The following FAM184B variants were observed in gnomAD, a reference collection of about 807,000 sequenced individuals.
The protein encoded by FAM184B is protein FAM184B.
A neutral mutation model predicts 135.9 loss-of-function variants in FAM184B; 111 were observed. The observed-to-expected ratio is 0.82, with a 90% CI of 0.70 to 0.96. FAM184B has a LOEUF of 0.96. Ranked by LOEUF, FAM184B falls within the 40% of genes least tolerant of loss-of-function variation. FAM184B has a pLI of 0.00. For synonymous variants in FAM184B, 552 were observed against 524.8 expected (o/e 1.05, Z -0.71); for missense variants, 1,375 against 1,323.9 (o/e 1.04, Z -0.60).
At chr4:17,724,195 C>T (rs1348222680) in intron 1 of FAM184B, among the ~76,000 whole-genome samples, 1 of 152,070 alleles carries the variant, frequency 6.6e-6, no homozygotes, top group Non-Finnish European at 1.5e-5. Context: ...GTCAAGAATA[C>T]ACCAAAACAT....
chr4:17,638,849 C>T (rs913702296), intron 14 of FAM184B, among the ~76,000 whole-genome samples: 1 of 152,094 alleles, frequency 6.6e-6, no homozygotes, highest in African/African-American at 2.4e-5. Flanking sequence ...CACCACACCC[C>T]GCCTCCTGCC....
At chr4:17,734,432 T>C (rs1266896097) in intron 1 of FAM184B, among the ~76,000 whole-genome samples, 1 of 152,060 alleles carries the variant, frequency 6.6e-6, no homozygotes, top group Non-Finnish European at 1.5e-5. Flanking sequence ...AACCTACTCA[T>C]CTGACAAAGG....
In FAM184B at chr4:17,653,082, ACTCGCACTCT is replaced by A. The variant is rs1379815414; in HGVS notation, c.2038-109_2038-100del. The A allele has an allele frequency of 6.1e-6, 7 of 1,144,676 alleles. No individual in the cohort carries two copies. The Admixed American group carries it at 1.2e-4, about 20-fold the overall frequency. 70.9% of individuals were successfully genotyped at this position (1,144,676 alleles called of 1,614,324 possible). On this transcript the variant is annotated intron_variant, in intron 10 of 17. Coordinates refer to ENST00000265018, the MANE Select transcript of FAM184B (RefSeq NM_015688.2). ...TCTTCTGAGCCAGGATGCTCTGAAC[ACTCGCACTCT>A]CCCATGGAGGGCTTATCAGGCTACA...
At chr4:17,728,336 A>C (rs184570401) in intron 1 of FAM184B, among the ~76,000 whole-genome samples, 1 of 152,216 alleles carries the variant, frequency 6.6e-6, no homozygotes, top group East Asian at 1.9e-4. Flanking sequence ...GCAGTGAGCT[A>C]TGATCATGCC....
At position 17,667,688 on chromosome 4, in the gene FAM184B, T is replaced by G. The variant is rs533405987; in HGVS notation, c.1597-3029A>C. Among the ~76,000 whole-genome samples, 7 of 152,354 alleles carry G rather than the reference T, an allele frequency of 4.6e-5. No individual in the cohort carries two copies. The South Asian group carries it at 1.4e-3, about 32-fold the overall frequency. ...TGAGTTAACTCTGCTAAGCCAGAAC[T>G]ACACTTCCCAGGACTTTCTTCCCTA... On this transcript the variant is annotated intron_variant, in intron 7 of 17. Transcript: ENST00000265018.
intron 1 of FAM184B, among the ~76,000 whole-genome samples, chr4:17,752,452 T>C (rs1489658574): frequency 3.3e-5 from 5 of 152,052 alleles, no homozygotes. Context: ...AGAGGAACAA[T>C]GAGTAACTAT....
intron 1 of FAM184B, among the ~76,000 whole-genome samples, chr4:17,718,062 G>C (rs1264503414): frequency 6.6e-6 from 1 of 152,144 alleles, no homozygotes; most frequent in Non-Finnish European, 1.5e-5. Flanking sequence ...CCTTTTTCTA[G>C]ATGTGTGAAC....
chr4:17,754,004 A>G (rs913885500), intron 1 of FAM184B, among the ~76,000 whole-genome samples: 6 of 152,222 alleles, frequency 3.9e-5, no homozygotes, highest in African/African-American at 1.4e-4. Flanking sequence ...ATTTACAGTA[A>G]GTATGGCTCC....
Position 17,739,555 on chromosome 4 carries a change from G to GTTTTTGTTTTTTTTT in FAM184B, c.142-29912_142-29911insAAAAAAAAACAAAAA, listed in dbSNP as rs1553841421. 2.1e-4 allele frequency among the ~76,000 whole-genome samples: 13 copies of GTTTTTGTTTTTTTTT among 62,510 alleles called. 1 individual carries two copies. The highest frequency in any genetic ancestry group is 7.8e-4 in the South Asian group (1 of 1,280). 41.0% of individuals were successfully genotyped at this position (62,510 alleles called of 152,430 possible). A position where few individuals can be genotyped will look rare whatever the true frequency, so the allele number is the denominator to read the frequency against. On this transcript the variant is annotated intron_variant, in intron 1 of 17. Coordinates refer to ENST00000265018, the MANE Select transcript of FAM184B (RefSeq NM_015688.2). ...CCCTACACCATATGTCATACCAACT[G>GTTTTTGTTTTTTTTT]TTTTTTTTTTTTTTTTGAGATGGGG...
At chr4:17,734,203 T>C (rs1447496048) in intron 1 of FAM184B, among the ~76,000 whole-genome samples, 1 of 152,154 alleles carries the variant, frequency 6.6e-6, no homozygotes, top group East Asian at 1.9e-4. Flanking sequence ...AAGACTTACA[T>C]GTTAGACCTA....
At chr4:17,692,663 G>T (rs889431420) in intron 6 of FAM184B, among the ~76,000 whole-genome samples, 6 of 152,318 alleles carry the variant, frequency 3.9e-5, no homozygotes, top group Admixed American at 3.9e-4. Context: ...TGAGGAACTG[G>T]TTTCATGGGT....
At chr4:17,779,586 C>T (rs16895707) in intron 1 of FAM184B, among the ~76,000 whole-genome samples, 35,187 of 152,068 alleles carry the variant, frequency 0.23, 4,236 homozygotes, top group South Asian at 0.31. Context: ...TGTCATACCA[C>T]AAGGGCAAGA....
intron 1 of FAM184B, 112 bp from the exon 2 acceptor site, chr4:17,709,756 T>C: frequency 1.0e-6 from 1 of 980,486 alleles, no homozygotes; most frequent in Non-Finnish European, 1.4e-6. Flanking sequence ...AAGTGGCACC[T>C]GAGAAGAGGA....
In FAM184B at chr4:17,658,511, C is replaced by T; in HGVS notation, c.1876G>A (p.Asp626Asn). 3 of 1,551,536 alleles carry T rather than the reference C, an allele frequency of 1.9e-6. No individual in the cohort carries two copies. Among genetic ancestry groups the T allele is most frequent in the Non-Finnish European group, 1.7e-6 (2 of 1,146,996 alleles). ...LEQCTSNYRE[D>N]LQALKQLSDL... Reference sequence around the variant, plus strand: ...GAGAGCTGCTTGAGTGCCTGCAGGTCCTCCCTGTAGTTGCTGGTGCACTGC... The same window carrying T: ...GAGAGCTGCTTGAGTGCCTGCAGGTTCTCCCTGTAGTTGCTGGTGCACTGC... Residue 626 changes from aspartate to asparagine, a missense_variant, in exon 10 of 18, where the codon GAC becomes AAC. Coordinates refer to ENST00000265018, the MANE Select transcript of FAM184B (RefSeq NM_015688.2).
At chr4:17,652,404 G>A (rs1196897067) in intron 11 of FAM184B, among the ~76,000 whole-genome samples, 3 of 152,090 alleles carry the variant, frequency 2.0e-5, no homozygotes, top group Non-Finnish European at 2.9e-5. Flanking sequence ...GATTACAGGC[G>A]TCAGCCACCA....
intron 10 of FAM184B, among the ~76,000 whole-genome samples, chr4:17,655,997 C>T (rs575921703): frequency 6.6e-6 from 1 of 152,328 alleles, no homozygotes; most frequent in Non-Finnish European, 1.5e-5. Context: ...AGATCCAGGA[C>T]TTGAACCCAG....
chr4:17,640,260 C>T (rs1715269141), intron 13 of FAM184B, among the ~76,000 whole-genome samples: 1 of 147,264 alleles, frequency 6.8e-6, no homozygotes, highest in South Asian at 2.2e-4. Flanking sequence ...ATCACGAGGA[C>T]AGGAGTTCGA....
chr4:17,752,420 T>C (rs1032643611), intron 1 of FAM184B, among the ~76,000 whole-genome samples: 1 of 151,862 alleles, frequency 6.6e-6, no homozygotes, highest in African/African-American at 2.4e-5. Flanking sequence ...GGTGGGTCAA[T>C]GAGTGGGTGG....
At chr4:17,770,782 A>G (rs1718804594) in intron 1 of FAM184B, among the ~76,000 whole-genome samples, 1 of 152,194 alleles carries the variant, frequency 6.6e-6, no homozygotes, top group Admixed American at 6.5e-5. Context: ...AGATTTTAAC[A>G]GGAGACAGAT....
Sources: allele counts gnomAD v4.1 joint callset (sites outside exome capture counted in the v4.1 genomes callset), GRCh38; gene constraint gnomAD v4.1.1; transcripts MANE v1.5; gene names NCBI Gene and HGNC (gene_info 2026-07-23, HGNC 2026-07-21).